The following FSTL5 variants were observed in gnomAD, a reference collection of about 807,000 sequenced individuals.
FSTL5 encodes follistatin-related protein 5.
A neutral mutation model predicts 89.1 loss-of-function variants in FSTL5; 62 were observed. That is an observed-to-expected ratio of 0.70 (90% confidence interval 0.57 to 0.86). The LOEUF is 0.86. FSTL5 is among the 40% of genes least tolerant of loss of function. The pLI, the probability that FSTL5 is intolerant of heterozygous loss-of-function variation, is 0.00. For missense variants in FSTL5, 1,057 were observed against 1,001.6 expected (o/e 1.06, Z -0.75); for synonymous variants, 383 against 346.2 (o/e 1.11, Z -1.18).
chr4:162,008,774 A>G (rs978057734), intron 3 of FSTL5, among the ~76,000 whole-genome samples: 1 of 151,944 alleles, frequency 6.6e-6, no homozygotes, highest in Non-Finnish European at 1.5e-5. Flanking sequence ...TTAAATATTT[A>G]CTATGAAGGA....
Position 161,457,470 on chromosome 4 carries a change from C to CA in FSTL5, c.1716+1741dup, listed in dbSNP as rs1281353992. Among the ~76,000 whole-genome samples the CA allele has an allele frequency of 5.9e-5, 9 of 152,150 alleles. No individual in the cohort carries two copies. In the East Asian group the frequency reaches 1.7e-3, roughly 29 times the overall value. On this transcript the variant is annotated intron_variant, in intron 14 of 15. Coordinates refer to ENST00000306100, the MANE Select transcript of FSTL5 (RefSeq NM_020116.5). Reference sequence around the variant, plus strand: ...GAATAATGTGTGGGAAGAATACCTCCAGAAGGCTGTTTTCTGTGTACAATG... The same window carrying CA: ...GAATAATGTGTGGGAAGAATACCTCCAAGAAGGCTGTTTTCTGTGTACAATG...
intron 4 of FSTL5, among the ~76,000 whole-genome samples, chr4:161,882,405 T>C (rs1306919696): frequency 3.3e-5 from 5 of 152,126 alleles, no homozygotes; most frequent in Admixed American, 2.0e-4. Flanking sequence ...ACTTCATCTG[T>C]TGTACCAAAG....
intron 6 of FSTL5, among the ~76,000 whole-genome samples, chr4:161,693,229 C>A (rs143231743): frequency 2.0e-5 from 3 of 152,096 alleles, no homozygotes; most frequent in Admixed American, 2.0e-4. Context: ...GATTTCCGTG[C>A]GTACATTCAT....
At chr4:162,071,436 G>A (rs889219093) in intron 2 of FSTL5, among the ~76,000 whole-genome samples, 2 of 151,632 alleles carry the variant, frequency 1.3e-5, no homozygotes, top group Non-Finnish European at 2.9e-5. Flanking sequence ...AATTCAGCAA[G>A]AGTATATAAC....
intron 10 of FSTL5, among the ~76,000 whole-genome samples, chr4:161,527,698 G>A (rs945765930): frequency 2.0e-5 from 3 of 151,660 alleles, no homozygotes; most frequent in African/African-American, 7.3e-5. Flanking sequence ...CTGTTGGTGG[G>A]ACTGTAAACT....
chr4:161,729,535 T>C lies in FSTL5; in HGVS notation c.727+29876A>G, dbSNP rs185878734. Among the ~76,000 whole-genome samples the C allele has an allele frequency of 9.2e-5, 14 of 152,294 alleles. No homozygotes were observed. In the East Asian group the frequency reaches 2.7e-3, roughly 29 times the overall value. On this transcript the variant is annotated intron_variant, in intron 6 of 15. Coordinates refer to ENST00000306100, the MANE Select transcript of FSTL5 (RefSeq NM_020116.5). ...AAAGATGGTAATTACCACTTCATCATGTTCAGTGATATATGATTTTTGTCT... is the reference window on the plus strand; with the variant it reads ...AAAGATGGTAATTACCACTTCATCACGTTCAGTGATATATGATTTTTGTCT...
intron 1 of FSTL5, among the ~76,000 whole-genome samples, chr4:162,112,094 C>G (rs1731466648): frequency 6.6e-6 from 1 of 152,128 alleles, no homozygotes; most frequent in Non-Finnish European, 1.5e-5. Context: ...TGTATAAATA[C>G]TAAGTCCTTT....
intron 3 of FSTL5, among the ~76,000 whole-genome samples, chr4:162,010,395 T>C (rs1470878271): frequency 6.6e-6 from 1 of 152,092 alleles, no homozygotes; most frequent in Non-Finnish European, 1.5e-5. Context: ...ATAGGATGTA[T>C]TGTCCTAAAT....
chr4:161,673,164 G>A (rs989934387), intron 6 of FSTL5, among the ~76,000 whole-genome samples: 2 of 152,126 alleles, frequency 1.3e-5, no homozygotes, highest in Admixed American at 6.6e-5. Flanking sequence ...TTAAATTACA[G>A]GGTTTGAAAA....
At chr4:162,001,895 A>G (rs1350068562) in intron 3 of FSTL5, among the ~76,000 whole-genome samples, 1 of 152,004 alleles carries the variant, frequency 6.6e-6, no homozygotes, top group Non-Finnish European at 1.5e-5. Flanking sequence ...CAGGGATTTC[A>G]TTTCAGGCAT....
At chr4:161,633,960 T>A (rs373205666) in intron 7 of FSTL5, among the ~76,000 whole-genome samples, 1 of 152,220 alleles carries the variant, frequency 6.6e-6, no homozygotes, top group African/African-American at 2.4e-5. Context: ...TACAGGGCAA[T>A]GTAACAATTA....
At chr4:162,014,072 G>A (rs1023296518) in intron 3 of FSTL5, among the ~76,000 whole-genome samples, 1 of 152,170 alleles carries the variant, frequency 6.6e-6, no homozygotes, top group African/African-American at 2.4e-5. Flanking sequence ...GCTCTCCAGT[G>A]CAGTCTGTGG....
chr4:161,765,389 AC>A (rs1740958263), intron 5 of FSTL5, among the ~76,000 whole-genome samples: 1 of 152,208 alleles, frequency 6.6e-6, no homozygotes, highest in South Asian at 2.1e-4. Flanking sequence ...GTGAGATAAA[AC>A]GGCTATTATA....
At chr4:161,792,204 C>T (rs13118279) in intron 4 of FSTL5, among the ~76,000 whole-genome samples, 4 of 151,878 alleles carry the variant, frequency 2.6e-5, no homozygotes, top group African/African-American at 7.3e-5. Context: ...TGGGTGTGCG[C>T]GTGTCCAAGG....
At chr4:161,976,826 A>G (rs1304607095) in intron 3 of FSTL5, among the ~76,000 whole-genome samples, 3 of 152,180 alleles carry the variant, frequency 2.0e-5, no homozygotes, top group African/African-American at 7.2e-5. Flanking sequence ...CCAACCCCAC[A>G]GGACCTATGG....
intron 9 of FSTL5, among the ~76,000 whole-genome samples, chr4:161,539,527 T>A (rs904626071): frequency 3.3e-5 from 5 of 152,178 alleles, no homozygotes; most frequent in African/African-American, 9.6e-5. Flanking sequence ...GAATCACTAC[T>A]CCAAAAAAGG....
chr4:161,777,897 C>G (rs1286301653), intron 4 of FSTL5, among the ~76,000 whole-genome samples: 3 of 152,122 alleles, frequency 2.0e-5, no homozygotes, highest in African/African-American at 7.2e-5. Context: ...AGTTCGAGGC[C>G]AGCCTGGCCA....
At chr4:161,900,840 G>A (rs545335253) in intron 4 of FSTL5, among the ~76,000 whole-genome samples, 1 of 152,026 alleles carries the variant, frequency 6.6e-6, no homozygotes, top group Non-Finnish European at 1.5e-5. Context: ...CTTATTACAG[G>A]ATTATTACGC....
chr4:161,664,679 G>A (rs187733938), intron 6 of FSTL5: 3 of 153,408 alleles, frequency 2.0e-5, no homozygotes, highest in East Asian at 3.8e-4. Flanking sequence ...CCCAGTGCAA[G>A]TCACTTCCAC....
Sources: allele counts gnomAD v4.1 joint callset (sites outside exome capture counted in the v4.1 genomes callset), GRCh38; gene constraint gnomAD v4.1.1; transcripts MANE v1.5; gene names NCBI Gene and HGNC (gene_info 2026-07-23, HGNC 2026-07-21).